The following SEMA3F variants were observed in gnomAD, a reference collection of about 807,000 sequenced individuals.
SEMA3F encodes semaphorin 3F.
Under a neutral mutation model 98.5 loss-of-function variants are expected in SEMA3F, and 30 were observed. That is an observed-to-expected ratio of 0.30 (90% CI 0.23 to 0.41). The LOEUF is 0.41. Among genes scored for constraint, SEMA3F ranks in the 10% least tolerant of loss-of-function variants. The probability of loss-of-function intolerance (pLI) is 1.00; values close to 1 mark genes in which losing one functional copy is unlikely to be tolerated. For missense variants in SEMA3F, 866 were observed against 1,119.3 expected, an observed-to-expected ratio of 0.77 and a Z score of 3.23; for synonymous variants, 380 against 444.8, an observed-to-expected ratio of 0.85 and a Z score of 1.83.
At chr3:50,162,596 T>A (rs1017474669) in intron 2 of SEMA3F, among the ~76,000 whole-genome samples, 2 of 151,986 alleles carry the variant, frequency 1.3e-5, no homozygotes, top group African/African-American at 4.8e-5. Context: ...AGCTCTTCCT[T>A]CCCCCACCTT....
Position 50,183,516 on chromosome 3 carries a change from C to T in SEMA3F, c.1185C>T (p.Tyr395=), listed in dbSNP as rs1699096269. ...TTGCCCACAAAGAGGGGCCCAACTA[C>T]CAGTGGATGCCCTTCTCAGGGAAGA... ...GPFAHKEGPN[Y]QWMPFSGKMP... The change falls in exon 12 of 19, where the codon TAC becomes TAT. Residue 395 remains tyrosine (Y), a synonymous_variant. Transcript: ENST00000002829. 6.2e-7 allele frequency: 1 copy of T among 1,614,104 alleles called. No homozygotes were observed. The highest frequency in any genetic ancestry group is 8.5e-7 in the Non-Finnish European group (1 of 1,180,028).
intron 6 of SEMA3F, among the ~76,000 whole-genome samples, chr3:50,176,065 T>C (rs1698796520): frequency 6.6e-6 from 1 of 152,148 alleles, no homozygotes; most frequent in African/African-American, 2.4e-5. Context: ...CAGTGCCTTT[T>C]CCAGCCTTCC....
At chr3:50,159,347 C>T (rs547977721) in intron 1 of SEMA3F, 45 of 409,690 alleles carry the variant, frequency 1.1e-4, no homozygotes, top group African/African-American at 8.7e-4. Context: ...GTTTGAGTCT[C>T]CAGCAGCCCC....
At chr3:50,164,270 G>A (rs561166190) in intron 2 of SEMA3F, among the ~76,000 whole-genome samples, 1 of 152,344 alleles carries the variant, frequency 6.6e-6, no homozygotes, top group East Asian at 1.9e-4. Context: ...TTGGCACTAA[G>A]TGAGGAGCTG....
At chr3:50,167,019 C>T (rs1698431142) in intron 2 of SEMA3F, among the ~76,000 whole-genome samples, 1 of 152,178 alleles carries the variant, frequency 6.6e-6, no homozygotes, top group South Asian at 2.1e-4. Flanking sequence ...ACAATCCCCT[C>T]TTTCCATCCC....
At chr3:50,184,056 G>A (rs2079110001) in intron 12 of SEMA3F, among the ~76,000 whole-genome samples, 4 of 152,170 alleles carry the variant, frequency 2.6e-5, no homozygotes. Context: ...AGTCAGGACT[G>A]GGCTGGAGAA....
At position 50,159,592 on chromosome 3, in the gene SEMA3F, C is replaced by T. The variant is rs772229205; in HGVS notation, c.-31C>T. ...CTTCCCAGGTTTCTAGAGAGTGGAG[C>T]CTGCTTCCTGGGCCCTAGGCCCCTC... On this transcript the variant is annotated 5_prime_UTR_variant, in exon 2 of 19. Coordinates refer to ENST00000002829, the MANE Select transcript of SEMA3F (RefSeq NM_004186.5). 7.3e-7 allele frequency: 1 copy of T among 1,371,458 alleles called. No homozygotes were observed. The highest frequency in any genetic ancestry group is 2.0e-5 in the Admixed American group (1 of 51,088). The allele number at this position is 1,371,458 out of a possible 1,614,324, so 85.0% of individuals were successfully genotyped here.
intron 2 of SEMA3F, among the ~76,000 whole-genome samples, chr3:50,161,268 T>A (rs1698198111): frequency 6.6e-6 from 1 of 152,152 alleles, no homozygotes; most frequent in Admixed American, 6.5e-5. Flanking sequence ...GGGTCTTCCG[T>A]GTGCTCCTTC....
In SEMA3F at chr3:50,175,107, G is replaced by C. The variant is rs764864733; in HGVS notation, c.468G>C (p.Trp156Cys). The C allele has an allele frequency of 5.0e-6, 8 of 1,611,536 alleles. No homozygotes were observed. The highest frequency in any genetic ancestry group is 6.8e-6 in the Non-Finnish European group (8 of 1,179,108). Residue 156 changes from tryptophan to cysteine, a missense_variant, in exon 6 of 19, where the codon TGG becomes TGC. Coordinates refer to ENST00000002829, the MANE Select transcript of SEMA3F (RefSeq NM_004186.5). ...CCTCGTCTTCTCAGGCCACACCATG[G>C]ACCCAGACTCAGGCGGTCAGAGGCC... ...NRGRRAQATP[W>C]TQTQAVRGRG...
At chr3:50,184,081 G>A (rs1184085872) in intron 12 of SEMA3F, among the ~76,000 whole-genome samples, 1 of 152,194 alleles carries the variant, frequency 6.6e-6, no homozygotes, top group East Asian at 1.9e-4. Context: ...GTCTCAGTGG[G>A]GGACAGGGGA....
rs1486908606 is a variant in SEMA3F at position 50,186,185 on chromosome 3, TG to T, written c.1746-92del. ...TCTTATGGGTAAGACATCACTGCCC[TG>T]GGGAAAAAGGGCCCTGCCCTGGAGT... On this transcript the variant is annotated intron_variant, in intron 16 of 18. Coordinates refer to ENST00000002829, the MANE Select transcript of SEMA3F (RefSeq NM_004186.5). 3 of 1,486,478 alleles carry T rather than the reference TG, an allele frequency of 2.0e-6. No homozygotes were observed. The African/African-American group carries it at 4.2e-5, about 21-fold the overall frequency. 92.1% of individuals were successfully genotyped at this position (1,486,478 alleles called of 1,614,324 possible). A position where few individuals can be genotyped will look rare whatever the true frequency, so the allele number is the denominator to read the frequency against.
chr3:50,173,337 T>C (rs773644216), intron 2 of SEMA3F: 1 of 163,900 alleles, frequency 6.1e-6, no homozygotes, highest in African/African-American at 2.4e-5. Flanking sequence ...CTAGGCGTGG[T>C]GGCGGGCGCC....
rs116587396 is a variant in SEMA3F at position 50,166,076 on chromosome 3, A to C, written c.112+6342A>C. On this transcript the variant is annotated intron_variant, in intron 2 of 18. Transcript: ENST00000002829. This position sits in a 1 kb window ranked among gnomAD's most constrained non-coding sequence, Gnocchi z 4.7. ...AGGGATCAGGAAGCCTCAGCTCCGG[A>C]TCCCCCTTCCCCCACTCTTCTTCCT... Among the ~76,000 whole-genome samples the C allele has an allele frequency of 0.027, 4,081 of 151,892 alleles. 184 individuals are homozygous for C. The highest frequency in any genetic ancestry group is 0.093 in the African/African-American group (3,840 of 41,356).
rs1167806348 is a variant in SEMA3F, at chr3:50,184,827, G to C, written c.1456+13G>C. The C allele has an allele frequency of 6.2e-7, 1 of 1,603,934 alleles. No homozygotes were observed. Among genetic ancestry groups the C allele is most frequent in the Non-Finnish European group, 8.5e-7 (1 of 1,173,152 alleles). On this transcript the variant is annotated intron_variant, in intron 13 of 18. Coordinates refer to ENST00000002829, the MANE Select transcript of SEMA3F (RefSeq NM_004186.5). ...TTCCTGGGCACAGGTACCCACTGCTGCTCCCGGCCTCTCCCACGCTGGGCC... is the reference window on the plus strand; with the variant it reads ...TTCCTGGGCACAGGTACCCACTGCTCCTCCCGGCCTCTCCCACGCTGGGCC...
chr3:50,162,159 T>A (rs1698231664), intron 2 of SEMA3F, among the ~76,000 whole-genome samples: 1 of 152,122 alleles, frequency 6.6e-6, no homozygotes, highest in Non-Finnish European at 1.5e-5. Context: ...GAGGTGCCGG[T>A]TCCTGCCTGG....
chr3:50,186,194 A>G, intron 16 of SEMA3F, 87 bp from the exon 17 acceptor site: 9 of 1,487,322 alleles, frequency 6.1e-6, no homozygotes, highest in South Asian at 2.4e-5. Context: ...CTGGGGAAAA[A>G]GGGCCCTGCC....
Position 50,156,845 on chromosome 3 carries a change from G to A in SEMA3F, c.-49+1281G>A, listed in dbSNP as rs1031370848. The stretch of plus-strand genomic sequence containing the variant: ...CCCTCGCTGCTCAGCATACCTTGGG[G>A]GGAGGATGGAGCCAGGCTCAGGTGA... On this transcript the variant is annotated intron_variant, in intron 1 of 18. Coordinates refer to ENST00000002829, the MANE Select transcript of SEMA3F (RefSeq NM_004186.5). This position sits in a 1 kb window ranked among gnomAD's most constrained non-coding sequence, Gnocchi z 4.5. 2.6e-5 allele frequency among the ~76,000 whole-genome samples: 4 copies of A among 152,192 alleles called. No individual in the cohort carries two copies. The highest frequency in any genetic ancestry group is 9.7e-5 in the African/African-American group (4 of 41,440).
intron 2 of SEMA3F, among the ~76,000 whole-genome samples, chr3:50,161,669 C>T (rs1227400499): frequency 6.6e-6 from 1 of 152,252 alleles, no homozygotes; most frequent in Admixed American, 6.5e-5. Context: ...TGTGCTTAGA[C>T]TTCACTTACT....
intron 18 of SEMA3F, 29 bp from the exon 19 acceptor site, chr3:50,187,676 C>T (rs1456298804): frequency 2.6e-6 from 4 of 1,544,902 alleles, no homozygotes; most frequent in East Asian, 2.3e-5. Flanking sequence ...GTCACAGAGC[C>T]TCTGAACCCC....
Sources: gnomAD v4.1 joint callset for allele counts (sites outside exome capture counted in the v4.1 genomes callset) on GRCh38, gnomAD v4.1.1 for gene constraint, Gnocchi (gnomAD v3.1) non-coding constraint, MANE v1.5 for transcripts, NCBI Gene and HGNC (gene_info 2026-07-23, HGNC 2026-07-21) for gene names.